Variants in SFXN5 observed in about 807,000 individuals in gnomAD.
SFXN5 encodes the protein sideroflexin 5.
In SFXN5, 43 loss-of-function variants were observed where a neutral mutation model predicts 50.2. The observed-to-expected ratio is 0.86, with a 90% CI of 0.67 to 1.11. SFXN5 has a LOEUF of 1.11. Ranked by LOEUF, SFXN5 falls within the 50% of genes least tolerant of loss-of-function variation. The pLI, the probability that SFXN5 is intolerant of heterozygous loss-of-function variation, is 0.00. For synonymous variants in SFXN5, 203 were observed against 185.8 expected (o/e 1.09, Z -0.75); for missense variants, 463 against 454.1 (o/e 1.02, Z -0.18).
intron 12 of SFXN5, among the ~76,000 whole-genome samples, chr2:72,967,735 C>T (rs1409519965): frequency 3.9e-5 from 6 of 152,058 alleles, no homozygotes; most frequent in East Asian, 1.9e-4. Flanking sequence ...TAACTCCAGG[C>T]CCCCTCCACC....
chr2:72,961,090 A>G lies in SFXN5; in HGVS notation c.945+41T>C, dbSNP rs1326393688. 3 of 1,340,612 alleles carry G rather than the reference A, an allele frequency of 2.2e-6. No homozygotes were observed. The highest frequency in any genetic ancestry group is 2.0e-6 in the Non-Finnish European group (2 of 1,003,548). 83.0% of individuals were successfully genotyped at this position (1,340,612 alleles called of 1,614,324 possible). On this transcript the variant is annotated intron_variant, in intron 13 of 13. Coordinates refer to ENST00000272433, the MANE Select transcript of SFXN5 (RefSeq NM_144579.3). The surrounding 1 kb of genome is among the most constrained non-coding windows in gnomAD (Gnocchi z 4.4). ...ATTTGTTCAGAAATCACCAAACAGC[A>G]CCCCCTGCCCTGCCCTGCCCTTGAG... is the stretch of plus-strand genomic sequence containing the variant.
chr2:72,996,516 T>TG (rs1324458202), intron 9 of SFXN5: 4 of 152,250 alleles, frequency 2.6e-5, no homozygotes, highest in East Asian at 1.9e-4. Context: ...TGTTTTTTTT[T>TG]TTTTTTTTTT....
intron 2 of SFXN5, among the ~76,000 whole-genome samples, chr2:73,050,387 C>T (rs1003081162): frequency 1.4e-5 from 1 of 73,674 alleles, no homozygotes; most frequent in Non-Finnish European, 4.1e-5. Context: ...GCAGCCACAG[C>T]GCACGCACAC....
chr2:73,031,130 T>A (rs1473975321), intron 3 of SFXN5, among the ~76,000 whole-genome samples: 1 of 152,234 alleles, frequency 6.6e-6, no homozygotes, highest in Non-Finnish European at 1.5e-5. Flanking sequence ...TATTGTGTTG[T>A]CCATAGTCAT....
rs1486089409 is a variant in SFXN5 at position 73,020,238 on chromosome 2, C to A, written c.357+1G>T. 17 of 1,613,768 alleles carry A rather than the reference C, an allele frequency of 1.1e-5. No homozygotes were observed. Among genetic ancestry groups the A allele is most frequent in the East Asian group, 2.2e-5 (1 of 44,896 alleles). On this transcript the variant is annotated splice_donor_variant, in intron 6 of 13. Transcript: ENST00000272433. LOFTEE classifies it high-confidence loss of function. Reference sequence around the variant, plus strand: ...GGAAATCCTTTGAAGGTAACACTTACAATTGGCGTCCCAAAAGGAATATAA... The same window carrying A: ...GGAAATCCTTTGAAGGTAACACTTAAAATTGGCGTCCCAAAAGGAATATAA...
intron 3 of SFXN5, among the ~76,000 whole-genome samples, chr2:73,031,826 C>T (rs1342143698): frequency 6.6e-6 from 1 of 152,170 alleles, no homozygotes; most frequent in Non-Finnish European, 1.5e-5. Context: ...ACTTACATAG[C>T]CTGCCTGTGC....
intron 10 of SFXN5, among the ~76,000 whole-genome samples, chr2:72,985,729 T>C (rs1671839597): frequency 6.6e-6 from 1 of 152,074 alleles, no homozygotes. Context: ...CCGTGAGGGA[T>C]GTTCAGGATC....
chr2:72,971,745 G>A lies in SFXN5; in HGVS notation c.626-60C>T, dbSNP rs1204699180. On this transcript the variant is annotated intron_variant, in intron 10 of 13. Transcript: ENST00000272433. Reference sequence around the variant, plus strand: ...GAGGAAGATGGCATTCCACCTGGAGGGAGGTCACTACACTCCTTCCTACGC... The same window carrying A: ...GAGGAAGATGGCATTCCACCTGGAGAGAGGTCACTACACTCCTTCCTACGC... The A allele has an allele frequency of 5.3e-6, 7 of 1,314,452 alleles. No individual in the cohort carries two copies. In the East Asian group the frequency reaches 1.2e-4, roughly 22 times the overall value. The allele number at this position is 1,314,452 out of a possible 1,614,324, so 81.4% of individuals were successfully genotyped here.
chr2:72,982,811 A>C (rs1671477233), intron 10 of SFXN5, among the ~76,000 whole-genome samples: 1 of 152,212 alleles, frequency 6.6e-6, no homozygotes, highest in Non-Finnish European at 1.5e-5. Context: ...CCACATGCAA[A>C]GGCCTGGGGC....
At chr2:73,059,967 C>A (rs1682616117) in intron 1 of SFXN5, 1 of 703,994 alleles carries the variant, frequency 1.4e-6, no homozygotes, top group Admixed American at 6.3e-5. Context: ...GAATACTATG[C>A]AGCCTTTAAA....
rs144562461 is a variant in SFXN5, at chr2:73,051,383, G to A, written c.171+7145C>T. Among the ~76,000 whole-genome samples the A allele has an allele frequency of 1.2e-3, 176 of 149,184 alleles. 1 individual carries two copies. Among genetic ancestry groups the A allele is most frequent in the African/African-American group, 4.0e-3 (161 of 40,442 alleles). On this transcript the variant is annotated intron_variant, in intron 2 of 13. Transcript: ENST00000272433. Reference sequence around the variant, plus strand: ...AAGCAATTCTCTGCCTCAGCCTCCCGAGTAGCTGGGATTAAAGGTGCCCAT... The same window carrying A: ...AAGCAATTCTCTGCCTCAGCCTCCCAAGTAGCTGGGATTAAAGGTGCCCAT...
intron 2 of SFXN5, among the ~76,000 whole-genome samples, chr2:73,044,350 CCTTACGAAACCT>C (rs1680030380): frequency 6.6e-6 from 1 of 152,234 alleles, no homozygotes. Context: ...TGGCCTTGGA[CCTTACGAAACCT>C]CTGTCAAAGG....
At chr2:73,033,163 T>A (rs1387442602) in intron 3 of SFXN5, among the ~76,000 whole-genome samples, 1 of 152,228 alleles carries the variant, frequency 6.6e-6, no homozygotes, top group Non-Finnish European at 1.5e-5. Flanking sequence ...ATGTGAATAT[T>A]TTCAAGGTTA....
intron 10 of SFXN5, among the ~76,000 whole-genome samples, chr2:72,983,506 T>A (rs913284439): frequency 6.6e-6 from 1 of 152,326 alleles, no homozygotes; most frequent in South Asian, 2.1e-4. Flanking sequence ...GCCTTCCTCA[T>A]GAGGAGCTCA....
intron 6 of SFXN5, among the ~76,000 whole-genome samples, chr2:73,008,746 A>C (rs940907510): frequency 1.3e-5 from 2 of 152,228 alleles, no homozygotes; most frequent in Non-Finnish European, 2.9e-5. Context: ...GCACCGGCAT[A>C]GCCGCGGTGC....
intron 9 of SFXN5, among the ~76,000 whole-genome samples, chr2:72,991,430 C>A (rs1443937811): frequency 1.3e-5 from 2 of 152,256 alleles, no homozygotes; most frequent in Non-Finnish European, 2.9e-5. Context: ...AGGGAGGAGA[C>A]CTGGGCATGT....
chr2:72,977,243 C>T (rs772098459), intron 10 of SFXN5, among the ~76,000 whole-genome samples: 1 of 152,206 alleles, frequency 6.6e-6, no homozygotes, highest in East Asian at 1.9e-4. Flanking sequence ...ACCCTGGATG[C>T]CCCGCCTGAG....
chr2:72,951,003 T>A (rs555618823), intron 13 of SFXN5, among the ~76,000 whole-genome samples: 19 of 151,836 alleles, frequency 1.3e-4, no homozygotes, highest in Non-Finnish European at 2.2e-4. Flanking sequence ...GGTAGGCTCC[T>A]CCCCGGGCAC....
chr2:73,023,816 T>C lies in SFXN5; in HGVS notation c.250-602A>G, dbSNP rs116417427. ...CTTACTGTTGCTGACATTATGCCTG[T>C]TGTTATCATAAGAAGGCTGTAGGGA... is the stretch of plus-strand genomic sequence containing the variant. On this transcript the variant is annotated intron_variant, in intron 3 of 13. Coordinates refer to ENST00000272433, the MANE Select transcript of SFXN5 (RefSeq NM_144579.3). Among the ~76,000 whole-genome samples, 886 of 152,250 alleles carry C rather than the reference T, an allele frequency of 5.8e-3. 4 individuals are homozygous for C. Among genetic ancestry groups the C allele is most frequent in the Non-Finnish European group, 9.5e-3 (645 of 68,020 alleles).
Sources: allele counts gnomAD v4.1 joint callset (sites outside exome capture counted in the v4.1 genomes callset), GRCh38; gene constraint gnomAD v4.1.1; non-coding constraint Gnocchi (gnomAD v3.1); transcripts MANE v1.5; gene names NCBI Gene and HGNC (gene_info 2026-07-23, HGNC 2026-07-21).